ST3GAL4: variants seen among roughly 807,000 people sequenced by gnomAD.
The protein encoded by ST3GAL4 is ST3 beta-galactoside alpha-2,3-sialyltransferase 4.
A neutral mutation model predicts 42.6 loss-of-function variants in ST3GAL4; 24 were observed. That is an observed-to-expected ratio of 0.56 (90% CI 0.41 to 0.79). The LOEUF (loss-of-function observed/expected upper bound fraction) is 0.79. ST3GAL4 is among the 30% of genes least tolerant of loss of function. The probability of loss-of-function intolerance (pLI) is 0.00; values close to 1 mark genes in which losing one functional copy is unlikely to be tolerated. For missense variants in ST3GAL4, 311 were observed against 430.8 expected, an observed-to-expected ratio of 0.72 and a Z score of 2.46; for synonymous variants, 135 against 163.2, an observed-to-expected ratio of 0.83 and a Z score of 1.32.
At position 126,391,527 on chromosome 11, in the gene ST3GAL4, C is replaced by CT. The variant is rs1386248204; in HGVS notation, c.-60-14565dup. 1.3e-5 allele frequency among the ~76,000 whole-genome samples: 2 copies of CT among 152,158 alleles called. No individual in the cohort carries two copies. Among genetic ancestry groups the CT allele is most frequent in the Non-Finnish European group, 2.9e-5 (2 of 68,028 alleles). On this transcript the variant is annotated intron_variant, in intron 1 of 10. Coordinates refer to ENST00000444328, the MANE Select transcript of ST3GAL4 (RefSeq NM_001254757.2). The surrounding 1 kb of genome is among the most constrained non-coding windows in gnomAD (Gnocchi z 5.5). ...TGACTTCCCCAGTGTGGTCTCCTTC[C>CT]TTTTCCTCACCACTTCTCCTACCTA...
intron 1 of ST3GAL4, among the ~76,000 whole-genome samples, chr11:126,367,112 C>A (rs1337435269): frequency 6.6e-6 from 1 of 152,262 alleles, no homozygotes; most frequent in African/African-American, 2.4e-5. Context: ...GGTGTCTGGT[C>A]AGGCTGAGGG....
chr11:126,410,156 C>T lies in ST3GAL4; in HGVS notation c.771+745C>T, dbSNP rs1020021296. ...TCCTGGCCTCAAGTGATCCTCGTGTCTCAGCCTCCCAAAATGCCGGGATTA... is the reference window on the plus strand; with the variant it reads ...TCCTGGCCTCAAGTGATCCTCGTGTTTCAGCCTCCCAAAATGCCGGGATTA... On this transcript the variant is annotated intron_variant, in intron 9 of 10. Transcript: ENST00000444328. This position sits in a 1 kb window ranked among gnomAD's most constrained non-coding sequence, Gnocchi z 5.3. Among the ~76,000 whole-genome samples, 1 of 152,236 alleles carries T rather than the reference C, an allele frequency of 6.6e-6. No individual in the cohort carries two copies. Among genetic ancestry groups the T allele is most frequent in the African/African-American group, 2.4e-5 (1 of 41,464 alleles).
Position 126,384,519 on chromosome 11 carries a change from G to T in ST3GAL4, c.-60-21577G>T, listed in dbSNP as rs1953138654. ...GACTCTGCTCAGGTGTGGCGGGCCT[G>T]CCTGTGGGGTCACCATGGACAGGAG... is the stretch of plus-strand genomic sequence containing the variant. On this transcript the variant is annotated intron_variant, in intron 1 of 10. Coordinates refer to ENST00000444328, the MANE Select transcript of ST3GAL4 (RefSeq NM_001254757.2). The surrounding 1 kb of genome is among the most constrained non-coding windows in gnomAD (Gnocchi z 5.5). 1.3e-5 allele frequency among the ~76,000 whole-genome samples: 2 copies of T among 152,126 alleles called. No individual in the cohort carries two copies. The highest frequency in any genetic ancestry group is 6.5e-5 in the Admixed American group (1 of 15,268).
At chr11:126,399,801 C>G (rs750860827) in intron 1 of ST3GAL4, among the ~76,000 whole-genome samples, 1 of 152,176 alleles carries the variant, frequency 6.6e-6, no homozygotes, top group Admixed American at 6.5e-5. Flanking sequence ...TAGCCACATT[C>G]TTTGCTGCTT....
intron 9 of ST3GAL4, among the ~76,000 whole-genome samples, chr11:126,412,540 C>T (rs1283155678): frequency 6.6e-6 from 1 of 152,222 alleles, no homozygotes; most frequent in Non-Finnish European, 1.5e-5. Context: ...AAAGGTACTG[C>T]TGTCCTGCTT....
At chr11:126,365,495 A>T (rs144287824) in intron 1 of ST3GAL4, among the ~76,000 whole-genome samples, 1 of 152,052 alleles carries the variant, frequency 6.6e-6, no homozygotes, top group African/African-American at 2.4e-5. Context: ...GGGATATTCC[A>T]TGGGACCCTG....
rs1952417177 is a variant in ST3GAL4 at position 126,366,183 on chromosome 11, A to G, written c.-61+10341A>G. 6.6e-6 allele frequency among the ~76,000 whole-genome samples: 1 copy of G among 152,298 alleles called. No homozygotes were observed. The highest frequency in any genetic ancestry group is 1.9e-4 in the East Asian group (1 of 5,174). On this transcript the variant is annotated intron_variant, in intron 1 of 10. Coordinates refer to ENST00000444328, the MANE Select transcript of ST3GAL4 (RefSeq NM_001254757.2). The surrounding 1 kb of genome is among the most constrained non-coding windows in gnomAD (Gnocchi z 4.2). ...ACCTGCAAGCTGACAAACAAAGTCT[A>G]TACGAGCCAGAGCTGGGGTGGGAGG... is the stretch of plus-strand genomic sequence containing the variant.
intron 1 of ST3GAL4, 111 bp from the exon 2 acceptor site, chr11:126,405,985 C>A: frequency 7.6e-7 from 1 of 1,315,390 alleles, no homozygotes; most frequent in South Asian, 1.3e-5. Flanking sequence ...CAGGGAGCAG[C>A]TTCCTGCTTT....
chr11:126,409,492 TGGAAGGATCCCATAACAGAGGCGGCG>T lies in ST3GAL4; in HGVS notation c.771+83_771+108del. 6.3e-7 allele frequency: 1 copy of T among 1,577,514 alleles called. No individual in the cohort carries two copies. Among genetic ancestry groups the T allele is most frequent in the Non-Finnish European group, 8.7e-7 (1 of 1,152,972 alleles). On this transcript the variant is annotated intron_variant, in intron 9 of 10. Coordinates refer to ENST00000444328, the MANE Select transcript of ST3GAL4 (RefSeq NM_001254757.2). This position sits in a 1 kb window ranked among gnomAD's most constrained non-coding sequence, Gnocchi z 4.9. ...ATGATCCTATGGGCTTAGGAAGCCC[TGGAAGGATCCCATAACAGAGGCGGCG>T]GTTTGCATTTTCCCTCCAGGAACAC...
intron 1 of ST3GAL4, among the ~76,000 whole-genome samples, chr11:126,385,510 T>C: frequency 6.6e-6 from 1 of 152,014 alleles, no homozygotes; most frequent in Non-Finnish European, 1.5e-5. Context: ...GTGCATAGAG[T>C]ATAGAGATTA....
At chr11:126,356,277 G>C (rs766889031) in intron 1 of ST3GAL4, 6 of 152,582 alleles carry the variant, frequency 3.9e-5, no homozygotes, top group Non-Finnish European at 7.3e-5. Flanking sequence ...TGCAGGAGTC[G>C]CAAGGTCGCT....
chr11:126,406,676 T>A lies in ST3GAL4; in HGVS notation c.101+119T>A. The A allele has an allele frequency of 3.6e-6, 4 of 1,118,500 alleles. No homozygotes were observed. The highest frequency in any genetic ancestry group is 4.9e-6 in the Non-Finnish European group (4 of 814,250). The allele number at this position is 1,118,500 out of a possible 1,614,324, so 69.3% of individuals were successfully genotyped here. A position where few individuals can be genotyped will look rare whatever the true frequency, so the allele number is the denominator to read the frequency against. On this transcript the variant is annotated intron_variant, in intron 3 of 10. Coordinates refer to ENST00000444328, the MANE Select transcript of ST3GAL4 (RefSeq NM_001254757.2). This position sits in a 1 kb window ranked among gnomAD's most constrained non-coding sequence, Gnocchi z 5.4. The stretch of plus-strand genomic sequence containing the variant: ...AGGTTCCAAGAGCCGGCACATGACC[T>A]CATCCCTTCAGCTGCTGGTACGGAG...
At chr11:126,385,365 G>T (rs1022257457) in intron 1 of ST3GAL4, among the ~76,000 whole-genome samples, 1 of 151,938 alleles carries the variant, frequency 6.6e-6, no homozygotes, top group African/African-American at 2.4e-5. Flanking sequence ...TGTTAGCCAG[G>T]ATGGTCTCGA....
Position 126,383,329 on chromosome 11 carries a change from T to C in ST3GAL4, c.-60-22767T>C, listed in dbSNP as rs644682. Among the ~76,000 whole-genome samples the C allele has an allele frequency of 3.3e-5, 5 of 152,190 alleles. No individual in the cohort carries two copies. The highest frequency in any genetic ancestry group is 5.9e-5 in the Non-Finnish European group (4 of 68,018). Reference sequence around the variant, plus strand: ...GCCACTCCCTGCCCCTTAGAGGCTCTGGGCTGCCTGGTGACAGCTTCGGGG... The same window carrying C: ...GCCACTCCCTGCCCCTTAGAGGCTCCGGGCTGCCTGGTGACAGCTTCGGGG... On this transcript the variant is annotated intron_variant, in intron 1 of 10. Transcript: ENST00000444328. This position sits in a 1 kb window ranked among gnomAD's most constrained non-coding sequence, Gnocchi z 4.5.
intron 1 of ST3GAL4, among the ~76,000 whole-genome samples, chr11:126,375,449 G>A (rs1952798881): frequency 6.6e-6 from 1 of 152,154 alleles, no homozygotes; most frequent in Admixed American, 6.5e-5. Context: ...GAGCCAGTCT[G>A]CACGGGATGG....
Position 126,359,043 on chromosome 11 carries a change from G to A in ST3GAL4, c.-61+3201G>A, listed in dbSNP as rs1952163349. On this transcript the variant is annotated intron_variant, in intron 1 of 10. Coordinates refer to ENST00000444328, the MANE Select transcript of ST3GAL4 (RefSeq NM_001254757.2). The surrounding 1 kb of genome is among the most constrained non-coding windows in gnomAD (Gnocchi z 4.8). ...CCACCTGCAGCTCATTCAAGCCTGT[G>A]CATGGGGGTTGGGGTCCTCAGGATC... Among the ~76,000 whole-genome samples the A allele has an allele frequency of 6.6e-6, 1 of 152,158 alleles. No homozygotes were observed. Among genetic ancestry groups the A allele is most frequent in the Non-Finnish European group, 1.5e-5 (1 of 68,032 alleles).
Position 126,373,314 on chromosome 11 carries a change from G to A in ST3GAL4, c.-61+17472G>A, listed in dbSNP as rs990794289. Among the ~76,000 whole-genome samples the A allele has an allele frequency of 3.3e-5, 5 of 152,156 alleles. No homozygotes were observed. Among genetic ancestry groups the A allele is most frequent in the African/African-American group, 1.2e-4 (5 of 41,438 alleles). Reference sequence around the variant, plus strand: ...TTAACTTCAGATCCTTGGGGTGGGTGCATTGCTTCTCCTGGGATGGAGGGG... The same window carrying A: ...TTAACTTCAGATCCTTGGGGTGGGTACATTGCTTCTCCTGGGATGGAGGGG... On this transcript the variant is annotated intron_variant, in intron 1 of 10. Transcript: ENST00000444328. The surrounding 1 kb of genome is among the most constrained non-coding windows in gnomAD (Gnocchi z 5.5).
In ST3GAL4 at chr11:126,408,487, TAAG is replaced by T. The variant is rs1453916218; in HGVS notation, c.622_624del (p.Lys208del). ...ACTGGATTGAGACCATCCTGAGTGA[TAAG>T]AAGCGGGTAAGTTGGGGGACAGACT... On this transcript the variant is annotated inframe_deletion, in exon 8 of 11. Transcript: ENST00000444328. 1 of 1,614,170 alleles carries T rather than the reference TAAG, an allele frequency of 6.2e-7. No homozygotes were observed. The highest frequency in any genetic ancestry group is 1.7e-5 in the Admixed American group (1 of 60,016).
At chr11:126,382,914 G>A (rs1591446332) in intron 1 of ST3GAL4, among the ~76,000 whole-genome samples, 1 of 152,214 alleles carries the variant, frequency 6.6e-6, no homozygotes, top group African/African-American at 2.4e-5. Flanking sequence ...GCAGGCTGGC[G>A]GGGCAGCTGG....
Sources: allele counts gnomAD v4.1 joint callset (sites outside exome capture counted in the v4.1 genomes callset), GRCh38; gene constraint gnomAD v4.1.1; non-coding constraint Gnocchi (gnomAD v3.1); transcripts MANE v1.5; gene names NCBI Gene and HGNC (gene_info 2026-07-23, HGNC 2026-07-21).